GRIA2: variants seen among roughly 807,000 people sequenced by gnomAD.
GRIA2 encodes the protein glutamate receptor 2.
A neutral mutation model predicts 97.3 loss-of-function variants in GRIA2; 14 were observed. The ratio of observed to expected loss-of-function variants is 0.14; its 90% CI spans 0.10 to 0.23. GRIA2 has a LOEUF of 0.23. Ranked by LOEUF, GRIA2 falls within the 10% of genes least tolerant of loss-of-function variation. The pLI is 1.00. For missense variants in GRIA2, 558 were observed against 1,069.8 expected (o/e 0.52, Z 6.67); for synonymous variants, 412 against 387.8 (o/e 1.06, Z -0.73).
rs563118474 is a variant in GRIA2 at position 157,349,470 on chromosome 4, C to CCCTT, written c.2043+8030_2043+8033dup. On this transcript the variant is annotated intron_variant, in intron 12 of 15. Transcript: ENST00000264426. Reference sequence around the variant, plus strand: ...CTCCTTCCCCCGCTTCCTCCCCCCACCCTTCCTTCCTTCCTTCCTTCCTTC... The same window carrying CCCTT: ...CTCCTTCCCCCGCTTCCTCCCCCCACCCTTCCTTCCTTCCTTCCTTCCTTCCTTC... Among the ~76,000 whole-genome samples, 780 of 139,714 alleles carry CCCTT rather than the reference C, an allele frequency of 5.6e-3. 8 individuals carry two copies. Among genetic ancestry groups the CCCTT allele is most frequent in the African/African-American group, 0.018 (679 of 37,638 alleles). 91.7% of individuals were successfully genotyped at this position (139,714 alleles called of 152,430 possible). A position where few individuals can be genotyped will look rare whatever the true frequency, so the allele number is the denominator to read the frequency against.
intron 2 of GRIA2, among the ~76,000 whole-genome samples, chr4:157,225,912 T>C (rs937092496): frequency 7.9e-5 from 12 of 152,020 alleles, no homozygotes; most frequent in African/African-American, 2.7e-4. Flanking sequence ...AAATACTAAG[T>C]ATTTTTACAT....
intron 2 of GRIA2, among the ~76,000 whole-genome samples, chr4:157,277,508 A>G (rs1732378262): frequency 2.0e-5 from 3 of 151,810 alleles, no homozygotes; most frequent in African/African-American, 7.2e-5. Flanking sequence ...TCTTTTCAAC[A>G]TAATAGTGGA....
chr4:157,337,818 A>G (rs1443345300), intron 11 of GRIA2, among the ~76,000 whole-genome samples: 2 of 151,472 alleles, frequency 1.3e-5, no homozygotes, highest in Non-Finnish European at 2.9e-5. Context: ...AGAAATTATC[A>G]GTAGCTTACT....
intron 4 of GRIA2, among the ~76,000 whole-genome samples, chr4:157,316,926 G>T (rs146982440): frequency 6.6e-6 from 1 of 152,164 alleles, no homozygotes; most frequent in Non-Finnish European, 1.5e-5. Context: ...TCATTCAAAA[G>T]TCAAATTGAT....
chr4:157,360,856 G>T, intron 13 of GRIA2, 154 bp from the exon 14 acceptor site: 1 of 681,134 alleles, frequency 1.5e-6, no homozygotes, highest in South Asian at 1.6e-5. Flanking sequence ...ATTTTTAGTA[G>T]CTCATAGTAA....
At chr4:157,275,780 T>C (rs1732275877) in intron 2 of GRIA2, among the ~76,000 whole-genome samples, 2 of 152,026 alleles carry the variant, frequency 1.3e-5, no homozygotes, top group African/African-American at 4.8e-5. Flanking sequence ...AGCCTTGTAG[T>C]ATAGTTTGAA....
Position 157,221,740 on chromosome 4 carries a change from G to C in GRIA2, c.162G>C (p.Ser54=), listed in dbSNP as rs748804696. Residue 54 remains serine, a synonymous_variant, in exon 2 of 16, where the codon TCG becomes TCC. Transcript: ENST00000264426. ...FRVGMVQFST[S]EFRLTPHIDN... is the part of the protein sequence containing the mutation. ...TAGGGATGGTTCAGTTTTCCACTTC[G>C]GAGTTCAGACTGACACCCCACATCG... The C allele has an allele frequency of 4.3e-6, 7 of 1,613,766 alleles. No individual in the cohort carries two copies. In the African/African-American group the frequency reaches 6.7e-5, roughly 15 times the overall value.
At chr4:157,339,288 G>A (rs1735444050) in intron 11 of GRIA2, among the ~76,000 whole-genome samples, 1 of 151,876 alleles carries the variant, frequency 6.6e-6, no homozygotes. Flanking sequence ...AGAAATAAGA[G>A]CATATGCACA....
chr4:157,232,431 T>C (rs1003395152), intron 2 of GRIA2, among the ~76,000 whole-genome samples: 5 of 152,208 alleles, frequency 3.3e-5, no homozygotes, highest in Non-Finnish European at 7.4e-5. Flanking sequence ...TTGTGAGAAA[T>C]TGAAGAATTT....
At position 157,336,589 on chromosome 4, in the gene GRIA2, C is replaced by T; in HGVS notation, c.1686C>T (p.Phe562=). 6.2e-7 allele frequency: 1 copy of T among 1,613,266 alleles called. No homozygotes were observed. Among genetic ancestry groups the T allele is most frequent in the Non-Finnish European group, 8.5e-7 (1 of 1,179,500 alleles). The change falls in exon 11 of 16, where the codon TTC becomes TTT. Residue 562 remains phenylalanine (F), a synonymous_variant. Transcript: ENST00000264426. ...ACATTGGGGTCAGTGTAGTTTTATT[C>T]CTGGTCAGCAGATTTAGCCCCTACG... The part of the protein sequence containing the change: ...FAYIGVSVVL[F]LVSRFSPYEW...
intron 12 of GRIA2, among the ~76,000 whole-genome samples, chr4:157,343,736 A>G (rs1191789564): frequency 6.6e-6 from 1 of 152,144 alleles, no homozygotes; most frequent in Non-Finnish European, 1.5e-5. Flanking sequence ...ATAAAACAGC[A>G]TGCATCACCA....
chr4:157,255,125 C>T (rs928703568), intron 2 of GRIA2, among the ~76,000 whole-genome samples: 1 of 151,940 alleles, frequency 6.6e-6, no homozygotes, highest in East Asian at 1.9e-4. Context: ...CACTCTATGG[C>T]CATGTTGTTC....
intron 2 of GRIA2, among the ~76,000 whole-genome samples, chr4:157,280,233 C>T (rs771298113): frequency 1.3e-5 from 2 of 151,970 alleles, no homozygotes; most frequent in Admixed American, 6.6e-5. Flanking sequence ...ATTTGGAAGA[C>T]GAATACCCTT....
At chr4:157,339,749 A>G (rs1395728491) in intron 11 of GRIA2, among the ~76,000 whole-genome samples, 3 of 151,908 alleles carry the variant, frequency 2.0e-5, no homozygotes, top group Non-Finnish European at 1.5e-5. Context: ...GCAGGTACTG[A>G]ATCTGCGCTC....
At chr4:157,255,065 T>A (rs1245233686) in intron 2 of GRIA2, among the ~76,000 whole-genome samples, 1 of 152,002 alleles carries the variant, frequency 6.6e-6, no homozygotes, top group Non-Finnish European at 1.5e-5. Flanking sequence ...TAATTTCTCA[T>A]CCCTACCACC....
intron 2 of GRIA2, among the ~76,000 whole-genome samples, chr4:157,299,718 A>T (rs1438946046): frequency 2.0e-5 from 3 of 152,142 alleles, no homozygotes; most frequent in Admixed American, 1.3e-4. Context: ...TACCCAGGAG[A>T]TTATCATTTC....
intron 3 of GRIA2, among the ~76,000 whole-genome samples, chr4:157,308,302 A>G (rs906021175): frequency 6.6e-6 from 1 of 152,222 alleles, no homozygotes; most frequent in Non-Finnish European, 1.5e-5. Flanking sequence ...AGGTTATACA[A>G]CTACAACCAG....
intron 12 of GRIA2, among the ~76,000 whole-genome samples, chr4:157,343,909 A>G (rs539793514): frequency 1.3e-5 from 2 of 152,244 alleles, no homozygotes; most frequent in South Asian, 4.1e-4. Context: ...CTGTATTACA[A>G]TAATATTTGA....
intron 12 of GRIA2, among the ~76,000 whole-genome samples, chr4:157,351,195 T>C (rs965581615): frequency 2.6e-5 from 4 of 152,188 alleles, no homozygotes; most frequent in Admixed American, 2.6e-4. Flanking sequence ...CAAACTCACC[T>C]AATTTTGATA....
Sources: allele counts gnomAD v4.1 joint callset (sites outside exome capture counted in the v4.1 genomes callset), GRCh38; gene constraint gnomAD v4.1.1; transcripts MANE v1.5; gene names NCBI Gene and HGNC (gene_info 2026-07-23, HGNC 2026-07-21).